Variants in RNF216 observed in about 807,000 individuals in gnomAD.
The protein encoded by RNF216 is E3 ubiquitin-protein ligase RNF216.
In RNF216, 72 loss-of-function variants were observed where a neutral mutation model predicts 110.8. The observed-to-expected ratio is 0.65, with a 90% CI of 0.54 to 0.79. The LOEUF is 0.79. RNF216 is among the 30% of genes least tolerant of loss of function. The pLI, the probability that RNF216 is intolerant of heterozygous loss-of-function variation, is 0.00. For missense variants in RNF216, 1,342 were observed against 1,141.2 expected, an observed-to-expected ratio of 1.18 and a Z score of -2.54; for synonymous variants, 495 against 407.5, an observed-to-expected ratio of 1.21 and a Z score of -2.59.
rs1157488742 is a variant in RNF216, at chr7:5,652,464, AG to A, written c.2107del (p.Leu703SerfsTer22). The A allele has an allele frequency of 6.2e-7, 1 of 1,613,984 alleles. No homozygotes were observed. The highest frequency in any genetic ancestry group is 8.5e-7 in the Non-Finnish European group (1 of 1,179,886). ...CQGLWKEHNG[L>X]TCEELAEKDD... The stretch of plus-strand genomic sequence containing the variant: ...TTTTTCAGCCAGCTCTTCACAGGTG[AG>A]GCCATTATGTTCTTTCCAGAGTCCC... On this transcript the variant is annotated frameshift_variant, in exon 14 of 17. Transcript: ENST00000389902. LOFTEE classifies it high-confidence loss of function.
chr7:5,716,592 T>C, intron 10 of RNF216, 124 bp downstream of exon 10: 1 of 686,796 alleles, frequency 1.5e-6, no homozygotes, highest in Non-Finnish European at 2.5e-6. Context: ...TTGGCTGAAC[T>C]GCAAACTCAC....
At chr7:5,717,968 C>G (rs572058975) in intron 9 of RNF216, among the ~76,000 whole-genome samples, 1 of 152,238 alleles carries the variant, frequency 6.6e-6, no homozygotes, top group East Asian at 1.9e-4. Flanking sequence ...GTAATCCCAG[C>G]TACTTGGTCT....
At position 5,747,994 on chromosome 7, in the gene RNF216, G is replaced by A. The variant is rs1403027998; in HGVS notation, c.201+4852C>T. On this transcript the variant is annotated intron_variant, in intron 3 of 16. Transcript: ENST00000389902. ...AATCACCTATGAGGTCAGGGTTCAG[G>A]GTGACTGGTATAGCAACTCCCTAAA... Among the ~76,000 whole-genome samples the A allele has an allele frequency of 2.0e-5, 3 of 152,000 alleles. No individual in the cohort carries two copies. The South Asian group carries it at 6.2e-4, about 32-fold the overall frequency.
intron 1 of RNF216, among the ~76,000 whole-genome samples, chr7:5,776,988 G>A (rs1440459996): frequency 1.3e-5 from 2 of 151,270 alleles, no homozygotes; most frequent in Non-Finnish European, 2.9e-5. Flanking sequence ...AAGAAAGGAA[G>A]AGAAAGAGCG....
chr7:5,690,050 C>T (rs781019137), intron 13 of RNF216, among the ~76,000 whole-genome samples: 2 of 152,024 alleles, frequency 1.3e-5, no homozygotes, highest in East Asian at 1.9e-4. Context: ...TATGGCCAGG[C>T]GCGGTGGGTG....
intron 1 of RNF216, among the ~76,000 whole-genome samples, chr7:5,776,849 T>G (rs1486849159): frequency 7.8e-6 from 1 of 128,856 alleles, no homozygotes; most frequent in Non-Finnish European, 1.5e-5. Context: ...TGCAGTGAGC[T>G]GATATTGTGC....
intron 9 of RNF216, among the ~76,000 whole-genome samples, chr7:5,717,302 G>A (rs746913911): frequency 5.3e-5 from 8 of 152,278 alleles, no homozygotes; most frequent in South Asian, 4.1e-4. Context: ...GCAGTGAGCC[G>A]AAATCGCACC....
At chr7:5,737,598 G>C (rs1230507540) in intron 5 of RNF216, among the ~76,000 whole-genome samples, 2 of 151,866 alleles carry the variant, frequency 1.3e-5, no homozygotes, top group Non-Finnish European at 2.9e-5. Context: ...ACAGAGGTGG[G>C]ATCAGACAAG....
chr7:5,698,886 A>G (rs1382299634), intron 13 of RNF216, among the ~76,000 whole-genome samples: 1 of 152,202 alleles, frequency 6.6e-6, no homozygotes, highest in African/African-American at 2.4e-5. Context: ...ACATTTTCTC[A>G]TCTCTTAAAA....
chr7:5,690,657 T>C (rs1206970056), intron 13 of RNF216, among the ~76,000 whole-genome samples: 1 of 147,630 alleles, frequency 6.8e-6, no homozygotes, highest in East Asian at 1.9e-4. Flanking sequence ...GTTATCCCAT[T>C]CTACAGAAGA....
intron 15 of RNF216, among the ~76,000 whole-genome samples, chr7:5,629,595 G>A (rs1008306633): frequency 1.1e-4 from 17 of 151,954 alleles, no homozygotes; most frequent in African/African-American, 1.9e-4. Context: ...TTGGGAGGCC[G>A]AGGCGGGCGG....
At chr7:5,636,288 G>A (rs1414380278) in intron 15 of RNF216, among the ~76,000 whole-genome samples, 2 of 152,146 alleles carry the variant, frequency 1.3e-5, no homozygotes, top group South Asian at 2.1e-4. Flanking sequence ...GTGACTGTTC[G>A]CTTCTGGTTT....
intron 13 of RNF216, among the ~76,000 whole-genome samples, chr7:5,672,099 G>A (rs1162210897): frequency 6.6e-6 from 1 of 152,198 alleles, no homozygotes; most frequent in Non-Finnish European, 1.5e-5. Context: ...AGAAGTTCCC[G>A]CCCCTTTGTG....
At chr7:5,628,753 T>G (rs975809497) in intron 15 of RNF216, among the ~76,000 whole-genome samples, 1 of 151,426 alleles carries the variant, frequency 6.6e-6, no homozygotes, top group Non-Finnish European at 1.5e-5. Flanking sequence ...ACTCCTGGGC[T>G]CAAGCGATGC....
At chr7:5,673,617 T>C (rs1194727347) in intron 13 of RNF216, among the ~76,000 whole-genome samples, 1 of 152,118 alleles carries the variant, frequency 6.6e-6, no homozygotes, top group Non-Finnish European at 1.5e-5. Flanking sequence ...GCAAGGAATT[T>C]CTCCATTTGG....
chr7:5,775,038 G>C (rs1182402247), intron 1 of RNF216: 1 of 152,154 alleles, frequency 6.6e-6, no homozygotes, highest in African/African-American at 2.4e-5. Context: ...AAGTCACTGT[G>C]CCTGGCCTCT....
At chr7:5,655,873 T>C (rs1203913235) in intron 13 of RNF216, among the ~76,000 whole-genome samples, 1 of 152,228 alleles carries the variant, frequency 6.6e-6, no homozygotes, top group Non-Finnish European at 1.5e-5. Context: ...TGGTTTTTTT[T>C]TGAGCCAGGG....
chr7:5,756,109 T>A (rs1170463070), intron 2 of RNF216, among the ~76,000 whole-genome samples: 4 of 133,624 alleles, frequency 3.0e-5, no homozygotes, highest in African/African-American at 1.0e-4. Context: ...TCTGCTCTCG[T>A]GATAGTGAGT....
intron 14 of RNF216, among the ~76,000 whole-genome samples, chr7:5,645,791 T>C (rs984763832): frequency 6.6e-6 from 1 of 152,206 alleles, no homozygotes; most frequent in South Asian, 2.1e-4. Context: ...GGTTTCACCA[T>C]GTTGGCCAGG....
Sources: allele counts gnomAD v4.1 joint callset (sites outside exome capture counted in the v4.1 genomes callset), GRCh38; gene constraint gnomAD v4.1.1; transcripts MANE v1.5; gene names NCBI Gene and HGNC (gene_info 2026-07-23, HGNC 2026-07-21).